The following CNTN5 variants were observed in gnomAD, a reference collection of about 807,000 sequenced individuals.
CNTN5 encodes the protein contactin-5.
A neutral mutation model predicts 129.1 loss-of-function variants in CNTN5; 77 were observed. The observed-to-expected ratio is 0.60, with a 90% CI of 0.50 to 0.72. CNTN5 has a LOEUF of 0.72. Among genes scored for constraint, CNTN5 ranks in the 30% least tolerant of loss-of-function variants. CNTN5 has a pLI of 0.00. For missense variants in CNTN5, 1,478 were observed against 1,328.8 expected (o/e 1.11, Z -1.75); for synonymous variants, 509 against 465.6 (o/e 1.09, Z -1.20).
At chr11:100,281,125 T>A (rs56691292) in intron 18 of CNTN5, among the ~76,000 whole-genome samples, 6,421 of 152,236 alleles carry the variant, frequency 0.042, 432 homozygotes, top group African/African-American at 0.15. Context: ...TAGTTTATAC[T>A]CCACAGTTAC....
intron 13 of CNTN5, among the ~76,000 whole-genome samples, chr11:100,084,797 T>G (rs1311903885): frequency 6.6e-6 from 1 of 152,126 alleles, no homozygotes; most frequent in Non-Finnish European, 1.5e-5. Context: ...CCAATATGAT[T>G]TTGTTCCTCT....
intron 18 of CNTN5, among the ~76,000 whole-genome samples, chr11:100,290,322 A>C (rs889512325): frequency 6.6e-6 from 1 of 152,102 alleles, no homozygotes; most frequent in African/African-American, 2.4e-5. Flanking sequence ...CAAAAGAACA[A>C]AGCTAGAGGC....
At chr11:100,053,972 GTAT>G (rs1200125125) in intron 9 of CNTN5, among the ~76,000 whole-genome samples, 1 of 151,728 alleles carries the variant, frequency 6.6e-6, no homozygotes, top group Non-Finnish European at 1.5e-5. Context: ...ACTACGTAGT[GTAT>G]TATTCAATTT....
chr11:99,897,826 A>G (rs1000506267), intron 6 of CNTN5, among the ~76,000 whole-genome samples: 3 of 152,178 alleles, frequency 2.0e-5, no homozygotes, highest in Non-Finnish European at 1.5e-5. Flanking sequence ...TGACCTACAT[A>G]CCCCACTTAA....
At chr11:99,456,257 C>T (rs535424261) in intron 2 of CNTN5, among the ~76,000 whole-genome samples, 13 of 152,010 alleles carry the variant, frequency 8.6e-5, no homozygotes, top group African/African-American at 2.9e-4. Flanking sequence ...GGATCATCAA[C>T]CCACCGACAG....
rs569012097 is a variant in CNTN5, at chr11:99,369,899, C to T, written c.-71+44415C>T. Among the ~76,000 whole-genome samples, 5 of 152,042 alleles carry T rather than the reference C, an allele frequency of 3.3e-5. No homozygotes were observed. The East Asian group carries it at 9.7e-4, about 29-fold the overall frequency. The stretch of plus-strand genomic sequence containing the variant: ...CTAGCTAATTTAAAAAAAAATTACA[C>T]CAGTGAGCTATGCAATGAAGAAAAA... On this transcript the variant is annotated intron_variant, in intron 2 of 24. Coordinates refer to ENST00000524871, the MANE Select transcript of CNTN5 (RefSeq NM_014361.4).
chr11:99,935,027 A>G (rs1950283794), intron 7 of CNTN5, among the ~76,000 whole-genome samples: 3 of 149,840 alleles, frequency 2.0e-5, no homozygotes, highest in Admixed American at 1.3e-4. Context: ...TAATATCTAG[A>G]AAATGGAAAT....
intron 16 of CNTN5, among the ~76,000 whole-genome samples, chr11:100,254,391 C>T (rs77743173): frequency 6.6e-6 from 1 of 152,130 alleles, no homozygotes; most frequent in South Asian, 2.1e-4. Context: ...TTTCCCCTTA[C>T]CATCTCGAAA....
At chr11:100,137,983 T>TA (rs916570190) in intron 13 of CNTN5, among the ~76,000 whole-genome samples, 2 of 151,720 alleles carry the variant, frequency 1.3e-5, no homozygotes, top group African/African-American at 4.8e-5. Context: ...ACTTGAAGAA[T>TA]AAAAAACTGA....
At chr11:100,187,637 G>C (rs1339678253) in intron 13 of CNTN5, among the ~76,000 whole-genome samples, 1 of 151,912 alleles carries the variant, frequency 6.6e-6, no homozygotes, top group Non-Finnish European at 1.5e-5. Flanking sequence ...CAGAAAGAAA[G>C]CTCCACACCT....
At chr11:99,922,138 G>T (rs1006595816) in intron 7 of CNTN5, among the ~76,000 whole-genome samples, 11 of 152,294 alleles carry the variant, frequency 7.2e-5, no homozygotes, top group Middle Eastern at 3.4e-3. Flanking sequence ...TCACAATTAT[G>T]GCAGAAAGTG....
At chr11:99,703,776 T>C (rs1008312563) in intron 3 of CNTN5, among the ~76,000 whole-genome samples, 3 of 151,030 alleles carry the variant, frequency 2.0e-5, no homozygotes, top group African/African-American at 4.8e-5. Flanking sequence ...ATTTGATCAT[T>C]TAACACAGAT....
intron 6 of CNTN5, among the ~76,000 whole-genome samples, chr11:99,894,609 A>G (rs1448750119): frequency 6.6e-6 from 1 of 151,974 alleles, no homozygotes; most frequent in East Asian, 1.9e-4. Context: ...ATGAATTCAC[A>G]GCAGTTAGAT....
chr11:99,696,181 C>T lies in CNTN5; in HGVS notation c.56-123363C>T, dbSNP rs538617876. Among the ~76,000 whole-genome samples the T allele has an allele frequency of 1.6e-3, 249 of 152,136 alleles. 1 individual carries two copies. Among genetic ancestry groups the T allele is most frequent in the African/African-American group, 5.6e-3 (233 of 41,534 alleles). ...CTGTATATCAGCCATAAGCCTGGAG[C>T]ATTGTGTGAGGTTAAAATGAATGAA... On this transcript the variant is annotated intron_variant, in intron 3 of 24. Coordinates refer to ENST00000524871, the MANE Select transcript of CNTN5 (RefSeq NM_014361.4).
chr11:99,735,417 A>G (rs902570775), intron 3 of CNTN5, among the ~76,000 whole-genome samples: 2 of 152,250 alleles, frequency 1.3e-5, no homozygotes, highest in African/African-American at 4.8e-5. Flanking sequence ...AGCAACACAT[A>G]GACTATTTCA....
chr11:100,151,961 TTCTCTCCTGATCCTA>T (rs1453815976), intron 13 of CNTN5, among the ~76,000 whole-genome samples: 1 of 152,124 alleles, frequency 6.6e-6, no homozygotes, highest in African/African-American at 2.4e-5. Flanking sequence ...TCAGACAGAA[TTCTCTCCTGATCCTA>T]TCTGCTAGTT....
rs146875394 is a variant in CNTN5 at position 99,045,457 on chromosome 11, C to T, written c.-210+24187C>T. 5.3e-5 allele frequency among the ~76,000 whole-genome samples: 8 copies of T among 152,240 alleles called. No homozygotes were observed. In the East Asian group the frequency reaches 1.5e-3, roughly 29 times the overall value. On this transcript the variant is annotated intron_variant, in intron 1 of 24. Transcript: ENST00000524871. The stretch of plus-strand genomic sequence containing the variant: ...TACGAAAGCATGTTTTTCATCTGGT[C>T]CCATAAAATACATTACCTGAGCAAA...
chr11:99,583,892 G>T (rs2851598), intron 3 of CNTN5, among the ~76,000 whole-genome samples: 99,930 of 151,938 alleles, frequency 0.66, 37,091 homozygotes, highest in Non-Finnish European at 0.81. Context: ...TGGAAATGCA[G>T]AAATCACCCA....
At chr11:99,723,098 C>T (rs1234835798) in intron 3 of CNTN5, among the ~76,000 whole-genome samples, 2 of 151,942 alleles carry the variant, frequency 1.3e-5, no homozygotes, top group African/African-American at 4.8e-5. Context: ...TTTCTCTTTA[C>T]CTATTGTTAT....
Sources: gnomAD v4.1 joint callset for allele counts (sites outside exome capture counted in the v4.1 genomes callset) on GRCh38, gnomAD v4.1.1 for gene constraint, MANE v1.5 for transcripts, NCBI Gene and HGNC (gene_info 2026-07-23, HGNC 2026-07-21) for gene names.